Variants in SLC16A9 observed in about 807,000 individuals in gnomAD.
SLC16A9 encodes monocarboxylate transporter 9.
Under a neutral mutation model 44.3 loss-of-function variants are expected in SLC16A9, and 26 were observed. That is an observed-to-expected ratio of 0.59 (90% CI 0.43 to 0.81). The LOEUF (loss-of-function observed/expected upper bound fraction) is 0.81, where lower values mean the gene tolerates loss of function less well. Among genes scored for constraint, SLC16A9 ranks in the 40% least tolerant of loss-of-function variants. The pLI, the probability that SLC16A9 is intolerant of heterozygous loss-of-function variation, is 0.00. For missense variants in SLC16A9, 559 were observed against 595.8 expected, an observed-to-expected ratio of 0.94 and a Z score of 0.64; for synonymous variants, 230 against 225.1, an observed-to-expected ratio of 1.02 and a Z score of -0.19.
intron 2 of SLC16A9, among the ~76,000 whole-genome samples, chr10:59,678,540 C>CTTTTTTTTTTTTTTTTTTTTTTTTT (rs1426559419): frequency 2.7e-4 from 6 of 22,332 alleles, no homozygotes; most frequent in African/African-American, 5.8e-4. Flanking sequence ...TTTTCTTTTT[C>CTTTTTTTTTTTTTTTTTTTTTTTTT]TTTTTCTTTT....
At chr10:59,679,310 A>T (rs769092823) in intron 2 of SLC16A9, among the ~76,000 whole-genome samples, 2 of 152,190 alleles carry the variant, frequency 1.3e-5, no homozygotes, top group Non-Finnish European at 2.9e-5. Flanking sequence ...CATTCTTCCC[A>T]TATCAGTCAA....
At chr10:59,697,021 G>C (rs1473634498) in intron 1 of SLC16A9, among the ~76,000 whole-genome samples, 4 of 96,848 alleles carry the variant, frequency 4.1e-5, no homozygotes, top group African/African-American at 1.4e-4. Flanking sequence ...CCCCGTCCGG[G>C]AGGTGAGGGG....
intron 1 of SLC16A9, chr10:59,708,879 T>C (rs1255798505): frequency 6.6e-6 from 1 of 152,396 alleles, no homozygotes; most frequent in Non-Finnish European, 1.5e-5. Context: ...CCTGCGGCGG[T>C]GGCGAAGGCT....
rs1554874045 is a variant in SLC16A9, at chr10:59,694,801, A to AAT, written c.-36-10476_-36-10475dup. 2.8e-3 allele frequency among the ~76,000 whole-genome samples: 203 copies of AAT among 72,200 alleles called. 27 individuals carry two copies. The highest frequency in any genetic ancestry group is 0.02 in the East Asian group (70 of 3,562). 47.4% of individuals were successfully genotyped at this position (72,200 alleles called of 152,430 possible). A position where few individuals can be genotyped will look rare whatever the true frequency, so the allele number is the denominator to read the frequency against. ...GGTAACAGAGCGAGACTCCATCTCAAATATATATATATATATACACACACA... is the reference window on the plus strand; with the variant it reads ...GGTAACAGAGCGAGACTCCATCTCAAATATATATATATATATATACACACACA... On this transcript the variant is annotated intron_variant, in intron 1 of 5. Coordinates refer to ENST00000395348, the MANE Select transcript of SLC16A9 (RefSeq NM_194298.3).
In SLC16A9 at chr10:59,684,110, A is replaced by G. The variant is rs1840078880; in HGVS notation, c.182T>C (p.Val61Ala). ...TATCCACTTACTTGCAAGCAAGCCAACTCCACTTGCCAGGGATCCAACCCA... is the reference window on the plus strand; with the variant it reads ...TATCCACTTACTTGCAAGCAAGCCAGCTCCACTTGCCAGGGATCCAACCCA... ...TAWVGSLASG[V>A]GLLASPVCSL... The change falls in exon 2 of 6, where the codon GTT becomes GCT. Residue 61 changes from valine to alanine, a missense_variant. Val to Ala is a moderately conservative substitution (Grantham distance 64). Transcript: ENST00000395348. The G allele has an allele frequency of 1.2e-6, 2 of 1,612,420 alleles. No individual in the cohort carries two copies. The highest frequency in any genetic ancestry group is 2.2e-5 in the East Asian group (1 of 44,842).
chr10:59,696,685 T>C (rs1272763695), intron 1 of SLC16A9, among the ~76,000 whole-genome samples: 1 of 149,812 alleles, frequency 6.7e-6, no homozygotes, highest in East Asian at 2.0e-4. Flanking sequence ...CCGCCCATCA[T>C]CTGAGATGTG....
intron 3 of SLC16A9, among the ~76,000 whole-genome samples, 160 bp from the exon 4 acceptor site, chr10:59,664,482 T>A (rs1274830243): frequency 6.6e-6 from 1 of 152,160 alleles, no homozygotes; most frequent in Non-Finnish European, 1.5e-5. Flanking sequence ...GTAGCCCCAA[T>A]AGACACCATT....
chr10:59,706,436 C>T (rs939595446), intron 1 of SLC16A9, among the ~76,000 whole-genome samples: 5 of 152,094 alleles, frequency 3.3e-5, no homozygotes, highest in African/African-American at 1.2e-4. Context: ...TGATGGAAAA[C>T]AATACAGTGG....
rs1448429697 is a variant in SLC16A9 at position 59,653,994 on chromosome 10, T to C, written c.1032A>G (p.Pro344=). The C allele has an allele frequency of 1.2e-6, 2 of 1,613,834 alleles. No homozygotes were observed. Among genetic ancestry groups the C allele is most frequent in the Non-Finnish European group, 1.7e-6 (2 of 1,180,002 alleles). The part of the protein sequence containing the change: ...SNVKEEEFIM[P]LISIIGIMTA... ...TCATAATGCCTATAATGGAAATAAG[T>C]GGCATAATAAACTCTTCTTCTTTCA... The change falls in exon 5 of 6, where the codon CCA becomes CCG. Residue 344 remains proline, a synonymous_variant. Coordinates refer to ENST00000395348, the MANE Select transcript of SLC16A9 (RefSeq NM_194298.3).
intron 2 of SLC16A9, 39 bp from the exon 3 acceptor site, chr10:59,672,952 A>T: frequency 6.4e-7 from 1 of 1,569,232 alleles, no homozygotes; most frequent in African/African-American, 1.4e-5. Flanking sequence ...TTATCATATG[A>T]TCCATCCATC....
chr10:59,707,275 GAGGGAAGGGAAGGGAAGGGAAGGGA>G (rs1160399534), intron 1 of SLC16A9, among the ~76,000 whole-genome samples: 4 of 62,696 alleles, frequency 6.4e-5, no homozygotes, highest in Non-Finnish European at 9.2e-5. Flanking sequence ...GAGGGGAGAG[GAGGGAAGGGAAGGGAAGGGAAGGGA>G]AGGGAAGGGA....
chr10:59,678,043 C>G (rs1436976824), intron 2 of SLC16A9, among the ~76,000 whole-genome samples: 1 of 126,528 alleles, frequency 7.9e-6, no homozygotes, highest in Non-Finnish European at 1.6e-5. Context: ...CCCCTCCCCC[C>G]ACCCCACAAC....
Position 59,654,239 on chromosome 10 carries a change from T to C in SLC16A9, c.787A>G (p.Lys263Glu). 1.2e-6 allele frequency: 2 copies of C among 1,614,202 alleles called. No individual in the cohort carries two copies. Among genetic ancestry groups the C allele is most frequent in the South Asian group, 1.1e-5 (1 of 91,080 alleles). The change falls in exon 5 of 6, where the codon AAA (lysine) becomes GAA (glutamate). Residue 263 changes from lysine (K) to glutamate (E), a missense_variant. Physicochemically the swap from Lys to Glu is moderately conservative, Grantham distance 56. Transcript: ENST00000395348. ...TTCTTTTTGTACGTTTCAGGCTCTT[T>C]TGTGTGTGTCACTGTGGGGTTTTTA... ...LHKNPTVTHT[K>E]EPETYKKKVA...
intron 3 of SLC16A9, among the ~76,000 whole-genome samples, chr10:59,670,569 C>T (rs959571780): frequency 6.6e-6 from 1 of 152,230 alleles, no homozygotes; most frequent in Non-Finnish European, 1.5e-5. Flanking sequence ...CTTGGTCACA[C>T]TGTCTAGCTA....
intron 3 of SLC16A9, 37 bp downstream of exon 3, chr10:59,672,733 T>C: frequency 6.3e-7 from 1 of 1,590,198 alleles, no homozygotes; most frequent in Non-Finnish European, 8.6e-7. Context: ...GTGTATCTCT[T>C]GAAGGTTAGG....
chr10:59,678,546 C>CTTTTTTTTCTTTT (rs751112027), intron 2 of SLC16A9, among the ~76,000 whole-genome samples: 1 of 30,594 alleles, frequency 3.3e-5, no homozygotes, highest in African/African-American at 8.9e-5. Context: ...TTTTCTTTTT[C>CTTTTTTTTCTTTT]TTTTTTTTGA....
In SLC16A9 at chr10:59,694,833, C is replaced by CACACACAT. The variant is rs778737142; in HGVS notation, c.-36-10507_-36-10506insATGTGTGT. ...ATATATATATACACACACACACACACATATATATACACTAAATATTTTTAT... is the reference window on the plus strand; with the variant it reads ...ATATATATATACACACACACACACACACACACATATATATATACACTAAATATTTTTAT... On this transcript the variant is annotated intron_variant, in intron 1 of 5. Coordinates refer to ENST00000395348, the MANE Select transcript of SLC16A9 (RefSeq NM_194298.3). Among the ~76,000 whole-genome samples, 446 of 99,854 alleles carry CACACACAT rather than the reference C, an allele frequency of 4.5e-3. 21 individuals are homozygous for CACACACAT. Among genetic ancestry groups the CACACACAT allele is most frequent in the Non-Finnish European group, 7.7e-3 (344 of 44,540 alleles). The allele number at this position is 99,854 out of a possible 152,430, so 65.5% of individuals were successfully genotyped here.
chr10:59,655,252 T>C (rs904991308), intron 4 of SLC16A9, among the ~76,000 whole-genome samples: 2 of 152,000 alleles, frequency 1.3e-5, no homozygotes, highest in Non-Finnish European at 2.9e-5. Context: ...ATTGCACCAC[T>C]GCACTCCAGC....
At chr10:59,700,768 C>A (rs1840504866) in intron 1 of SLC16A9, among the ~76,000 whole-genome samples, 1 of 152,148 alleles carries the variant, frequency 6.6e-6, no homozygotes, top group Non-Finnish European at 1.5e-5. Flanking sequence ...TCTGATGCAC[C>A]TAGACAATAA....
Sources: allele counts gnomAD v4.1 joint callset (sites outside exome capture counted in the v4.1 genomes callset), GRCh38; gene constraint gnomAD v4.1.1; transcripts MANE v1.5; gene names NCBI Gene and HGNC (gene_info 2026-07-23, HGNC 2026-07-21).